The following RGS21 variants were observed in gnomAD, a reference collection of about 807,000 sequenced individuals.
RGS21 encodes regulator of G protein signaling 21, also known as regulator of G-protein signalling 21.
A neutral mutation model predicts 18.7 loss-of-function variants in RGS21; 19 were observed. That is an observed-to-expected ratio of 1.01 (90% confidence interval 0.71 to 1.49). The LOEUF (loss-of-function observed/expected upper bound fraction) is 1.49. Among genes scored for constraint, RGS21 ranks in the 40% most tolerant of loss-of-function variants. The pLI is 0.00. For missense variants in RGS21, 194 were observed against 176.8 expected (o/e 1.10, Z -0.55); for synonymous variants, 56 against 57.8 (o/e 0.97, Z 0.14).
At chr1:192,330,467 C>T (rs1658630402) in intron 1 of RGS21, among the ~76,000 whole-genome samples, 1 of 152,148 alleles carries the variant, frequency 6.6e-6, no homozygotes, top group South Asian at 2.1e-4. Context: ...TCTAGAAAAT[C>T]AGGTTGAAGC....
At chr1:192,340,299 T>C (rs1658840203) in intron 1 of RGS21, among the ~76,000 whole-genome samples, 1 of 152,148 alleles carries the variant, frequency 6.6e-6, no homozygotes, top group Admixed American at 6.6e-5. Flanking sequence ...TAAGCATATA[T>C]AAATAAACCT....
intron 4 of RGS21, among the ~76,000 whole-genome samples, chr1:192,362,451 C>T (rs764646315): frequency 1.6e-4 from 25 of 152,262 alleles, no homozygotes; most frequent in Non-Finnish European, 2.4e-4. Flanking sequence ...CATGTGCACA[C>T]GCACAAACAC....
At chr1:192,357,410 A>C (rs917129255) in intron 4 of RGS21, among the ~76,000 whole-genome samples, 1 of 151,872 alleles carries the variant, frequency 6.6e-6, no homozygotes, top group Non-Finnish European at 1.5e-5. Context: ...CAAAAGAAGA[A>C]AGGGAGACAC....
At chr1:192,349,307 C>T (rs2102232956) in intron 3 of RGS21, among the ~76,000 whole-genome samples, 1 of 152,292 alleles carries the variant, frequency 6.6e-6, no homozygotes, top group East Asian at 1.9e-4. Flanking sequence ...AAGTCATATA[C>T]ATCCGAACAG....
chr1:192,339,326 T>C (rs1468766297), intron 1 of RGS21, among the ~76,000 whole-genome samples: 1 of 152,066 alleles, frequency 6.6e-6, no homozygotes, highest in Non-Finnish European at 1.5e-5. Flanking sequence ...AATTTTTTTA[T>C]CCTACCTTTA....
chr1:192,340,016 A>G (rs1683525351), intron 1 of RGS21, among the ~76,000 whole-genome samples: 1 of 152,090 alleles, frequency 6.6e-6, no homozygotes, highest in Admixed American at 6.6e-5. Flanking sequence ...TAACTTTCCC[A>G]TCTGCCTCTC....
intron 3 of RGS21, among the ~76,000 whole-genome samples, chr1:192,349,486 G>A (rs1379851033): frequency 2.0e-5 from 3 of 152,104 alleles, no homozygotes; most frequent in Non-Finnish European, 4.4e-5. Flanking sequence ...ACCCCATAAT[G>A]CTGACATATT....
intron 1 of RGS21, among the ~76,000 whole-genome samples, chr1:192,330,689 G>T (rs1557974860): frequency 1.3e-5 from 2 of 152,180 alleles, no homozygotes; most frequent in African/African-American, 4.8e-5. Context: ...AGAAGTGAGG[G>T]CATGGACAAA....
intron 1 of RGS21, among the ~76,000 whole-genome samples, chr1:192,336,034 G>T (rs539144068): frequency 6.6e-6 from 1 of 152,176 alleles, no homozygotes; most frequent in Non-Finnish European, 1.5e-5. Context: ...AACAACTTGC[G>T]TAATGCTCTT....
At chr1:192,324,760 A>G (rs1658544079) in intron 1 of RGS21, among the ~76,000 whole-genome samples, 1 of 152,118 alleles carries the variant, frequency 6.6e-6, no homozygotes, top group African/African-American at 2.4e-5. Context: ...TTTATTAAAC[A>G]CTACTTATCC....
At chr1:192,362,428 A>G (rs181371542) in intron 4 of RGS21, among the ~76,000 whole-genome samples, 169 of 152,352 alleles carry the variant, frequency 1.1e-3, no homozygotes, top group African/African-American at 3.9e-3. Context: ...AAAAGAATTT[A>G]CACGCATATG....
intron 4 of RGS21, among the ~76,000 whole-genome samples, chr1:192,353,160 T>A (rs190505291): frequency 1.2e-4 from 18 of 151,984 alleles, no homozygotes; most frequent in Non-Finnish European, 2.5e-4. Flanking sequence ...GTTGTACTTA[T>A]AGGAAAAAAA....
intron 3 of RGS21, 81 bp from the exon 4 acceptor site, chr1:192,351,966 C>A: frequency 1.4e-6 from 1 of 707,440 alleles, no homozygotes. Flanking sequence ...AGTAAATGCT[C>A]ATATTATACA....
In RGS21 at chr1:192,366,023, G is replaced by C; in HGVS notation, c.358G>C (p.Ala120Pro). The change falls in exon 5 of 5, where the codon GCC becomes CCC. Residue 120 changes from alanine to proline, a missense_variant. By Grantham distance (27) the Ala-to-Pro change is conservative (BLOSUM62 -1). Coordinates refer to ENST00000417209, the MANE Select transcript of RGS21 (RefSeq NM_001039152.3). ...EAQKLIYCLM[A>P]KDSFPRFLKS... ...TCAGAAATTAATCTATTGTCTCATG[G>C]CCAAGGATTCTTTCCCTCGATTTCT... 1.9e-6 allele frequency: 3 copies of C among 1,609,778 alleles called. No individual in the cohort carries two copies. Among genetic ancestry groups the C allele is most frequent in the Non-Finnish European group, 2.5e-6 (3 of 1,176,604 alleles).
chr1:192,335,527 T>C (rs1286855577), intron 1 of RGS21, among the ~76,000 whole-genome samples: 8 of 152,208 alleles, frequency 5.3e-5, no homozygotes, highest in African/African-American at 1.9e-4. Context: ...AAATACTCAC[T>C]GGACATTCAT....
chr1:192,333,601 C>A (rs1354571172), intron 1 of RGS21, among the ~76,000 whole-genome samples: 2 of 122,364 alleles, frequency 1.6e-5, no homozygotes, highest in Non-Finnish European at 3.2e-5. Flanking sequence ...AAGGTATGAT[C>A]GTATTTTTAT....
intron 3 of RGS21, 95 bp from the exon 4 acceptor site, chr1:192,351,952 A>T (rs754304366): frequency 1.2e-5 from 8 of 643,872 alleles, no homozygotes; most frequent in Non-Finnish European, 2.0e-5. Flanking sequence ...GCCACTGAAT[A>T]TCCAGTAAAT....
intron 1 of RGS21, among the ~76,000 whole-genome samples, chr1:192,318,627 C>T (rs1272211947): frequency 6.6e-6 from 1 of 152,048 alleles, no homozygotes; most frequent in African/African-American, 2.4e-5. Flanking sequence ...CTTAGTCTGT[C>T]TTTATTGATG....
intron 4 of RGS21, among the ~76,000 whole-genome samples, chr1:192,362,563 G>C (rs1277020944): frequency 2.0e-5 from 3 of 152,144 alleles, no homozygotes; most frequent in Admixed American, 6.6e-5. Context: ...CGAACATGGA[G>C]GTGTGATGTT....
Sources: allele counts gnomAD v4.1 joint callset (sites outside exome capture counted in the v4.1 genomes callset), GRCh38; gene constraint gnomAD v4.1.1; transcripts MANE v1.5; gene names NCBI Gene and HGNC (gene_info 2026-07-23, HGNC 2026-07-21).